Variants in DGKH observed in about 807,000 individuals in gnomAD.
DGKH encodes the protein DAG kinase eta.
A neutral mutation model predicts 159.3 loss-of-function variants in DGKH; 90 were observed. The ratio of observed to expected loss-of-function variants is 0.57; its 90% CI spans 0.48 to 0.67. The LOEUF (loss-of-function observed/expected upper bound fraction) is 0.67, where lower values mean the gene tolerates loss of function less well. Ranked by LOEUF, DGKH falls within the 30% of genes least tolerant of loss-of-function variation. DGKH has a pLI of 0.00. For missense variants in DGKH, 1,181 were observed against 1,506.1 expected, an observed-to-expected ratio of 0.78 and a Z score of 3.57; for synonymous variants, 536 against 553.8, an observed-to-expected ratio of 0.97 and a Z score of 0.45.
intron 1 of DGKH, among the ~76,000 whole-genome samples, chr13:42,063,023 T>TA (rs1200730032): frequency 6.6e-6 from 1 of 152,226 alleles, no homozygotes; most frequent in African/African-American, 2.4e-5. Context: ...CATTCAGGTT[T>TA]AAAAAATGTT....
chr13:42,199,659 G>A lies in DGKH; in HGVS notation c.2379G>A (p.Glu793=), dbSNP rs1473093367. The part of the protein sequence containing the change: ...ISLEFNNKRE[E]HPEKCRSRTK... ...TAGAATTTAATAATAAAAGAGAGGA[G>A]CACCCTGAAAAATGCAGGTAATTTT... The change falls in exon 19 of 30, where the codon GAG becomes GAA. Residue 793 remains glutamate (E), a synonymous_variant. Coordinates refer to ENST00000337343, the MANE Select transcript of DGKH (RefSeq NM_178009.5). 4 of 1,593,076 alleles carry A rather than the reference G, an allele frequency of 2.5e-6. No homozygotes were observed. The highest frequency in any genetic ancestry group is 2.6e-6 in the Non-Finnish European group (3 of 1,173,268).
intron 13 of DGKH, among the ~76,000 whole-genome samples, chr13:42,185,537 T>A (rs1217253455): frequency 6.6e-6 from 1 of 152,212 alleles, no homozygotes; most frequent in Admixed American, 6.5e-5. Context: ...ATATGACATA[T>A]GCAGTTTCAC....
chr13:42,070,029 C>A, intron 1 of DGKH: 1 of 890,010 alleles, frequency 1.1e-6, no homozygotes, highest in South Asian at 1.3e-5. Context: ...AGTACCTTTC[C>A]CAGTTATAAA....
At chr13:42,069,437 G>A (rs1882809092) in intron 1 of DGKH, 2 of 1,552,628 alleles carry the variant, frequency 1.3e-6, no homozygotes, top group Non-Finnish European at 1.8e-6. Flanking sequence ...AGCTATTCAA[G>A]TCGATTTAAT....
rs748430711 is a variant in DGKH, at chr13:42,129,532, A to G, written c.304-20A>G. On this transcript the variant is annotated intron_variant, in intron 2 of 29. Transcript: ENST00000337343. Reference sequence around the variant, plus strand: ...TTAGGTTTTCTTCTAATGTCTTTGTATGTTTTTTTTCATTAACAGTCTCTG... The same window carrying G: ...TTAGGTTTTCTTCTAATGTCTTTGTGTGTTTTTTTTCATTAACAGTCTCTG... 2.9e-5 allele frequency: 46 copies of G among 1,592,314 alleles called. 1 individual carries two copies. The Admixed American group carries it at 4.2e-4, about 15-fold the overall frequency.
At chr13:42,221,114 G>GA in intron 28 of DGKH, 150 bp from the exon 29 acceptor site, 1 of 1,005,058 alleles carries the variant, frequency 9.9e-7, no homozygotes. Flanking sequence ...GGAAAAAGTG[G>GA]AACTATGGTT....
intron 11 of DGKH, among the ~76,000 whole-genome samples, chr13:42,169,064 C>T (rs939767688): frequency 1.3e-5 from 2 of 152,090 alleles, no homozygotes; most frequent in Admixed American, 1.3e-4. Context: ...CTGAGGAACT[C>T]ATTATTTTAA....
intron 2 of DGKH, among the ~76,000 whole-genome samples, chr13:42,128,821 T>C (rs1158126558): frequency 2.6e-5 from 4 of 152,222 alleles, no homozygotes; most frequent in Non-Finnish European, 5.9e-5. Flanking sequence ...ATTGGTTGAA[T>C]TGAAGTAGAC....
chr13:42,225,217 C>A, intron 29 of DGKH: 1 of 1,493,148 alleles, frequency 6.7e-7, no homozygotes, highest in South Asian at 1.2e-5. Flanking sequence ...GCCACCATGC[C>A]CAGCCAGGAA....
At chr13:42,256,076 C>T in intron 30 of DGKH, 2 of 1,270,738 alleles carry the variant, frequency 1.6e-6, no homozygotes, top group Non-Finnish European at 2.3e-6. Flanking sequence ...ACTGATCTTG[C>T]CTGAAAATGA....
chr13:42,101,793 G>A (rs1199538328), intron 1 of DGKH, among the ~76,000 whole-genome samples: 2 of 151,528 alleles, frequency 1.3e-5, no homozygotes, highest in Admixed American at 6.6e-5. Flanking sequence ...GAGAGAGAGA[G>A]AAAGAGAGAG....
intron 29 of DGKH, among the ~76,000 whole-genome samples, chr13:42,249,285 G>A (rs574298153): frequency 6.6e-6 from 1 of 152,210 alleles, no homozygotes; most frequent in East Asian, 1.9e-4. Flanking sequence ...AAGGTGGGAG[G>A]ACCGATTGAG....
chr13:42,135,491 G>GAAAAAAAAAAAAAAAAAAAAAAA (rs757279736), intron 3 of DGKH, among the ~76,000 whole-genome samples: 1 of 69,150 alleles, frequency 1.4e-5, no homozygotes, highest in Non-Finnish European at 2.7e-5. Context: ...CCCTGTCTCA[G>GAAAAAAAAAAAAAAAAAAAAAAA]AAAAAAAAAA....
At chr13:42,148,933 G>T (rs896466049) in intron 3 of DGKH, among the ~76,000 whole-genome samples, 4 of 75,752 alleles carry the variant, frequency 5.3e-5, no homozygotes, top group South Asian at 4.8e-4. Flanking sequence ...CCACAACCCC[G>T]CCCGCCCCTT....
At chr13:42,047,524 T>C (rs1880872672), upstream of DGKH, among the ~76,000 whole-genome samples, 2 of 152,232 alleles carry the variant, frequency 1.3e-5, no homozygotes, top group South Asian at 4.1e-4. Context: ...GTGTTCTCTT[T>C]GGATGACAAG....
At chr13:42,161,858 AT>A (rs1282629928) in intron 7 of DGKH, among the ~76,000 whole-genome samples, 3 of 152,042 alleles carry the variant, frequency 2.0e-5, no homozygotes, top group African/African-American at 7.2e-5. Flanking sequence ...TTTTATGTAA[AT>A]TTTTTTCCCT....
rs2138315566 is a variant in DGKH, at chr13:42,238,029, A to G, written c.*8841A>G. Reference sequence around the variant, plus strand: ...TGGTTTAGGTTTATCCAGTTCTGTAACTGACTTTGGCATTGGCTCATTGTG... The same window carrying G: ...TGGTTTAGGTTTATCCAGTTCTGTAGCTGACTTTGGCATTGGCTCATTGTG... On this transcript the variant is annotated 3_prime_UTR_variant, in exon 30 of 30. Coordinates refer to ENST00000337343, the MANE Select transcript of DGKH (RefSeq NM_178009.5). 1 of 152,324 alleles carries G rather than the reference A, an allele frequency of 6.6e-6. No homozygotes were observed. Among genetic ancestry groups the G allele is most frequent in the Admixed American group, 6.5e-5 (1 of 15,300 alleles). 9.4% of individuals were successfully genotyped at this position (152,324 alleles called of 1,614,324 possible).
At chr13:42,156,231 G>A (rs1321629598) in intron 5 of DGKH, among the ~76,000 whole-genome samples, 2 of 151,818 alleles carry the variant, frequency 1.3e-5, no homozygotes, top group African/African-American at 2.4e-5. Flanking sequence ...TAAAAATAAG[G>A]CCTATGCTGT....
At chr13:42,043,059 C>T (rs764530718) in intron 1 of DGKH, among the ~76,000 whole-genome samples, 3 of 152,146 alleles carry the variant, frequency 2.0e-5, no homozygotes, top group Non-Finnish European at 4.4e-5. Context: ...CAAAATCCAT[C>T]AAAATTGGGG....
Sources: allele counts gnomAD v4.1 joint callset (sites outside exome capture counted in the v4.1 genomes callset), GRCh38; gene constraint gnomAD v4.1.1; transcripts MANE v1.5; gene names NCBI Gene and HGNC (gene_info 2026-07-23, HGNC 2026-07-21).